NFE2L2: variants seen among roughly 807,000 people sequenced by gnomAD.
NFE2L2 encodes nuclear factor erythroid 2-related factor 2.
A neutral mutation model predicts 49.6 loss-of-function variants in NFE2L2; 20 were observed. The ratio of observed to expected loss-of-function variants is 0.40; its 90% confidence interval spans 0.28 to 0.59. The LOEUF (loss-of-function observed/expected upper bound fraction) is 0.59. Among genes scored for constraint, NFE2L2 ranks in the 20% least tolerant of loss-of-function variants. The pLI is 0.40. For missense variants in NFE2L2, 578 were observed against 714.2 expected (o/e 0.81, Z 2.17); for synonymous variants, 244 against 256.5 (o/e 0.95, Z 0.47).
At position 177,237,158 on chromosome 2, in the gene NFE2L2, C is replaced by T. The variant is rs181884871; in HGVS notation, c.46-2887G>A. ...TACAGGCATGAACCACTCCACTGTG[C>T]TTGGCCTTTTTCCAAATATTTTTGA... On this transcript the variant is annotated intron_variant, in intron 1 of 4. Coordinates refer to ENST00000397062, the MANE Select transcript of NFE2L2 (RefSeq NM_006164.5). Among the ~76,000 whole-genome samples the T allele has an allele frequency of 4.3e-3, 655 of 152,324 alleles. 4 individuals are homozygous for T. Among genetic ancestry groups the T allele is most frequent in the Non-Finnish European group, 6.2e-3 (424 of 68,040 alleles).
intron 1 of NFE2L2, among the ~76,000 whole-genome samples, chr2:177,246,115 G>C (rs1312643672): frequency 3.9e-5 from 6 of 152,170 alleles, no homozygotes; most frequent in Non-Finnish European, 5.9e-5. Flanking sequence ...TTCTCCCAAG[G>C]CAGGAAACTA....
chr2:177,257,461 C>T (rs937824352), intron 1 of NFE2L2, among the ~76,000 whole-genome samples: 1 of 152,214 alleles, frequency 6.6e-6, no homozygotes, highest in Non-Finnish European at 1.5e-5. Context: ...GAGTTTCAAA[C>T]ACTCGCCAGG....
At chr2:177,235,786 C>T (rs1689729514) in intron 1 of NFE2L2, among the ~76,000 whole-genome samples, 1 of 152,156 alleles carries the variant, frequency 6.6e-6, no homozygotes, top group Non-Finnish European at 1.5e-5. Context: ...GTGATTGTAC[C>T]ACTGCACTCC....
At chr2:177,258,579 T>C (rs369312914) in intron 1 of NFE2L2, among the ~76,000 whole-genome samples, 40 of 152,262 alleles carry the variant, frequency 2.6e-4, no homozygotes, top group African/African-American at 8.7e-4. Flanking sequence ...CTGAATTAGA[T>C]TAAATGGGTA....
chr2:177,237,715 C>T (rs573776679), intron 1 of NFE2L2, among the ~76,000 whole-genome samples: 25 of 152,132 alleles, frequency 1.6e-4, no homozygotes, highest in Non-Finnish European at 2.8e-4. Context: ...GACAGGATTT[C>T]GCCATGTTGG....
At chr2:177,246,123 C>G (rs1690117323) in intron 1 of NFE2L2, among the ~76,000 whole-genome samples, 1 of 152,214 alleles carries the variant, frequency 6.6e-6, no homozygotes, top group Non-Finnish European at 1.5e-5. Context: ...AGGCAGGAAA[C>G]TAAGAGTTAA....
intron 1 of NFE2L2, among the ~76,000 whole-genome samples, chr2:177,256,773 G>A (rs1182060571): frequency 6.6e-6 from 1 of 152,240 alleles, no homozygotes; most frequent in African/African-American, 2.4e-5. Flanking sequence ...AACGGTCAAA[G>A]ACAAGACTGG....
chr2:177,238,665 G>A (rs1463574920), intron 1 of NFE2L2, among the ~76,000 whole-genome samples: 2 of 152,192 alleles, frequency 1.3e-5, no homozygotes, highest in African/African-American at 2.4e-5. Context: ...ACCTAACTAG[G>A]GGGAGCCTAA....
In NFE2L2 at chr2:177,264,538, G is replaced by C; in HGVS notation, c.39C>G (p.Ser13=). 1 of 1,523,934 alleles carries C rather than the reference G, an allele frequency of 6.6e-7. No individual in the cohort carries two copies. 94.4% of individuals were successfully genotyped at this position (1,523,934 alleles called of 1,614,324 possible). A position where few individuals can be genotyped will look rare whatever the true frequency, so the allele number is the denominator to read the frequency against. ...DLELPPPGLP[S]QQDMDLIDIL... ...CAGAGGGCCGAGGCAGCACCTGCTG[G>C]GACGGGAGTCCCGGCGGCGGCAGCT... The change falls in exon 1 of 5, where the codon TCC becomes TCG. Residue 13 remains serine (S), a synonymous_variant. Transcript: ENST00000397062.
At chr2:177,264,393 G>T in intron 1 of NFE2L2, 139 bp downstream of exon 1, 1 of 830,368 alleles carries the variant, frequency 1.2e-6, no homozygotes, top group Non-Finnish European at 1.7e-6. Flanking sequence ...AAGCGCGGCG[G>T]CTCTACCCAG....
At chr2:177,236,162 C>T (rs995354595) in intron 1 of NFE2L2, among the ~76,000 whole-genome samples, 6 of 152,236 alleles carry the variant, frequency 3.9e-5, no homozygotes, top group African/African-American at 1.4e-4. Context: ...CTTTCAGCTT[C>T]CCAAGGACGC....
chr2:177,247,073 G>A (rs967286399), intron 1 of NFE2L2, among the ~76,000 whole-genome samples: 41 of 152,266 alleles, frequency 2.7e-4, no homozygotes, highest in Middle Eastern at 3.4e-3. Context: ...ATAAATGTGT[G>A]AGGGTATCCC....
chr2:177,263,940 G>C, intron 1 of NFE2L2: 1 of 985,588 alleles, frequency 1.0e-6, no homozygotes, highest in Non-Finnish European at 1.2e-6. Flanking sequence ...GGATGACTTC[G>C]CAAAGCCGCG....
At position 177,234,142 on chromosome 2, in the gene NFE2L2, G is replaced by T. The variant is rs2105458939; in HGVS notation, c.175C>A (p.Gln59Lys). The T allele has an allele frequency of 1.2e-6, 2 of 1,614,164 alleles. No homozygotes were observed. The highest frequency in any genetic ancestry group is 1.7e-6 in the Non-Finnish European group (2 of 1,180,022). The change falls in exon 2 of 5, where the codon CAA (glutamine) becomes AAA (lysine). Residue 59 changes from glutamine (Q) to lysine (K), a missense_variant. Gln to Lys is a moderately conservative substitution (Grantham distance 53). This residue lies in a region of NFE2L2 where 93 missense variants were observed against 153.9 expected (regional missense o/e 0.60). Transcript: ENST00000397062. ...TCTTGCTCCTTTTGGAGTTGTTCTT[G>T]TCTTTCCTTTTCAAGTTTTTTCTGT... The part of the protein sequence containing the change: ...EKQKKLEKER[Q>K]EQLQKEQEKA...
At position 177,231,475 on chromosome 2, in the gene NFE2L2, A is replaced by G. The variant is rs761725301; in HGVS notation, c.1128T>C (p.Ser376=). ...YGDTLLGLSD[S]EVEELDSAPG... Reference sequence around the variant, plus strand: ...GGGCACTATCTAGCTCTTCCACTTCAGAATCACTGAGGCCAAGTAGTGTGT... The same window carrying G: ...GGGCACTATCTAGCTCTTCCACTTCGGAATCACTGAGGCCAAGTAGTGTGT... Residue 376 remains serine, a synonymous_variant, in exon 5 of 5, where the codon TCT becomes TCC. Transcript: ENST00000397062. 33 of 1,614,156 alleles carry G rather than the reference A, an allele frequency of 2.0e-5. No individual in the cohort carries two copies. Among genetic ancestry groups the G allele is most frequent in the Non-Finnish European group, 2.6e-5 (31 of 1,180,050 alleles).
intron 1 of NFE2L2, among the ~76,000 whole-genome samples, chr2:177,259,672 C>G (rs1485277000): frequency 6.6e-6 from 1 of 152,112 alleles, no homozygotes; most frequent in East Asian, 1.9e-4. Flanking sequence ...GTGGCTTAAG[C>G]TTGTAATCCC....
At chr2:177,248,693 G>A (rs1690221361) in intron 1 of NFE2L2, among the ~76,000 whole-genome samples, 1 of 152,192 alleles carries the variant, frequency 6.6e-6, no homozygotes, top group Admixed American at 6.5e-5. Context: ...ACAGGCATGA[G>A]CCACCGCCTC....
At chr2:177,246,474 T>G (rs1690135655) in intron 1 of NFE2L2, among the ~76,000 whole-genome samples, 1 of 152,214 alleles carries the variant, frequency 6.6e-6, no homozygotes, top group South Asian at 2.1e-4. Context: ...ATCAGGTTTT[T>G]TTTTGTTTTC....
intron 1 of NFE2L2, among the ~76,000 whole-genome samples, chr2:177,249,244 A>AAATAAAT (rs1329742882): frequency 6.7e-6 from 1 of 149,096 alleles, no homozygotes; most frequent in Non-Finnish European, 1.5e-5. Context: ...ATAAATAAAT[A>AAATAAAT]AATAAGGCAT....
Sources: allele counts gnomAD v4.1 joint callset (sites outside exome capture counted in the v4.1 genomes callset), GRCh38; gene constraint gnomAD v4.1.1; regional missense constraint gnomAD v4.1.1; transcripts MANE v1.5; gene names NCBI Gene and HGNC (gene_info 2026-07-23, HGNC 2026-07-21).